The following STAU1 variants were observed in gnomAD, a reference collection of about 807,000 sequenced individuals.
STAU1 encodes the protein staufen double-stranded RNA binding protein 1.
In STAU1, 13 loss-of-function variants were observed where a neutral mutation model predicts 62.9. The observed-to-expected ratio is 0.21, with a 90% CI of 0.13 to 0.33. The LOEUF (loss-of-function observed/expected upper bound fraction) is 0.33. Ranked by LOEUF, STAU1 falls within the 10% of genes least tolerant of loss-of-function variation. The pLI is 1.00. For synonymous variants in STAU1, 269 were observed against 265.1 expected (o/e 1.01, Z -0.14); for missense variants, 571 against 712.1 (o/e 0.80, Z 2.25).
chr20:49,191,845 G>T (rs773415932), upstream of STAU1, among the ~76,000 whole-genome samples: 1 of 151,992 alleles, frequency 6.6e-6, no homozygotes, highest in Non-Finnish European at 1.5e-5. Flanking sequence ...GAGGTCAGGA[G>T]TTCGAGACCA....
intron 5 of STAU1, among the ~76,000 whole-genome samples, chr20:49,142,855 T>C (rs1339836515): frequency 6.6e-6 from 1 of 152,206 alleles, no homozygotes; most frequent in African/African-American, 2.4e-5. Flanking sequence ...TCAGCTGCAG[T>C]GCAATGGCAT....
At chr20:49,150,641 G>A (rs1440164687) in intron 5 of STAU1, among the ~76,000 whole-genome samples, 1 of 152,078 alleles carries the variant, frequency 6.6e-6, no homozygotes, top group Non-Finnish European at 1.5e-5. Flanking sequence ...GATTACAGGC[G>A]TGAGCCACTG....
chr20:49,139,447 G>A (rs1205736469), intron 5 of STAU1, among the ~76,000 whole-genome samples: 2 of 152,192 alleles, frequency 1.3e-5, no homozygotes, highest in Non-Finnish European at 2.9e-5. Context: ...ATAGTCGGCT[G>A]GGCACAGTGG....
At chr20:49,129,262 G>A (rs1442741539) in intron 6 of STAU1, among the ~76,000 whole-genome samples, 1 of 142,292 alleles carries the variant, frequency 7.0e-6, no homozygotes, top group Non-Finnish European at 1.5e-5. Context: ...CTACCTGCTA[G>A]AATGACTTTA....
intron 5 of STAU1, among the ~76,000 whole-genome samples, chr20:49,142,308 G>C (rs1272560049): frequency 6.6e-6 from 1 of 151,868 alleles, no homozygotes; most frequent in African/African-American, 2.4e-5. Flanking sequence ...GGCTGATCTC[G>C]AACTCCTGAC....
At chr20:49,133,352 CAT>C (rs1027269336) in intron 6 of STAU1, among the ~76,000 whole-genome samples, 4 of 152,206 alleles carry the variant, frequency 2.6e-5, no homozygotes, top group African/African-American at 7.2e-5. Context: ...CAACTCTGCA[CAT>C]GAGGTGACCC....
chr20:49,207,087 G>A, the STAU1 span, among the ~76,000 whole-genome samples: 9 of 152,036 alleles, frequency 5.9e-5, no homozygotes, highest in African/African-American at 1.2e-4. Context: ...AGCTAGGCAC[G>A]GTGGTGCATG....
At chr20:49,133,255 T>C (rs1488068744) in intron 6 of STAU1, among the ~76,000 whole-genome samples, 2 of 152,174 alleles carry the variant, frequency 1.3e-5, no homozygotes, top group African/African-American at 2.4e-5. Flanking sequence ...AATCTCTAAG[T>C]TTCCAGAAAT....
intron 1 of STAU1, among the ~76,000 whole-genome samples, chr20:49,187,806 G>A (rs1362512956): frequency 1.2e-5 from 1 of 85,872 alleles, no homozygotes; most frequent in East Asian, 4.2e-4. Context: ...CCCCAGCCCC[G>A]GGAATAACTT....
intron 4 of STAU1, among the ~76,000 whole-genome samples, chr20:49,153,625 C>T (rs2093299506): frequency 1.4e-5 from 2 of 144,674 alleles, no homozygotes; most frequent in Admixed American, 1.4e-4. Flanking sequence ...ACAGCCTCCT[C>T]ACTTGAACCC....
rs1011466494 is a variant in STAU1, at chr20:49,173,457, GAAAGA to G, written c.-85+733_-85+737del. Reference sequence around the variant, plus strand: ...CAAGAGCGAAACTCCGTTTCAGAAAGAAAGAAAAGAAAAGCATTATACAAATCCAG... The same window carrying G: ...CAAGAGCGAAACTCCGTTTCAGAAAGAAAGAAAAGCATTATACAAATCCAG... On this transcript the variant is annotated intron_variant, in intron 2 of 13. Coordinates refer to ENST00000371856, the MANE Select transcript of STAU1 (RefSeq NM_017453.4). 1.1e-4 allele frequency among the ~76,000 whole-genome samples: 16 copies of G among 152,260 alleles called. No individual in the cohort carries two copies. The South Asian group carries it at 2.1e-3, about 20-fold the overall frequency.
At chr20:49,136,975 T>G (rs1036117998) in intron 5 of STAU1, among the ~76,000 whole-genome samples, 3 of 152,156 alleles carry the variant, frequency 2.0e-5, no homozygotes, top group African/African-American at 7.2e-5. Context: ...GATTAAGGCG[T>G]GAGCCACCAC....
At chr20:49,202,060 A>G in the STAU1 span, among the ~76,000 whole-genome samples, 1 of 151,306 alleles carries the variant, frequency 6.6e-6, no homozygotes, top group East Asian at 1.9e-4. Context: ...CTCTACTAAA[A>G]ATACAAAAAA....
At chr20:49,175,312 C>A (rs572728625) in intron 1 of STAU1, among the ~76,000 whole-genome samples, 1 of 151,108 alleles carries the variant, frequency 6.6e-6, no homozygotes, top group East Asian at 1.9e-4. Flanking sequence ...GCCTGGGCCA[C>A]AGAGTGAGAC....
the STAU1 span, among the ~76,000 whole-genome samples, chr20:49,201,735 C>A: frequency 5.4e-5 from 6 of 110,864 alleles, no homozygotes; most frequent in Admixed American, 7.0e-4. Flanking sequence ...GGGCAAGACT[C>A]TGTCTCAAAA....
Position 49,183,719 on chromosome 20 carries a change from T to A in STAU1, c.-160+4397A>T, listed in dbSNP as rs77115162. Reference sequence around the variant, plus strand: ...GGATGGAGGAGAGTTCCATGAGTCATGGCCATTTCTAAACTTAAAATACAG... The same window carrying A: ...GGATGGAGGAGAGTTCCATGAGTCAAGGCCATTTCTAAACTTAAAATACAG... On this transcript the variant is annotated intron_variant, in intron 1 of 13. Coordinates refer to ENST00000371856, the MANE Select transcript of STAU1 (RefSeq NM_017453.4). Among the ~76,000 whole-genome samples the A allele has an allele frequency of 4.2e-3, 642 of 152,222 alleles. 6 individuals are homozygous for A. The highest frequency in any genetic ancestry group is 0.015 in the African/African-American group (603 of 41,534).
At chr20:49,158,994 G>A (rs1236704975) in intron 3 of STAU1, 3 of 1,299,270 alleles carry the variant, frequency 2.3e-6, no homozygotes, top group Non-Finnish European at 3.0e-6. Context: ...TATATGTTCT[G>A]CAGTCCATCA....
chr20:49,164,547 C>T (rs1168925877), intron 3 of STAU1, among the ~76,000 whole-genome samples: 1 of 151,962 alleles, frequency 6.6e-6, no homozygotes, highest in South Asian at 2.1e-4. Flanking sequence ...CACTCGGCCT[C>T]CCAAAGTACT....
chr20:49,129,484 C>T (rs1002288202), intron 6 of STAU1, among the ~76,000 whole-genome samples: 1 of 151,190 alleles, frequency 6.6e-6, no homozygotes, highest in African/African-American at 2.4e-5. Flanking sequence ...GAAGGGGTTA[C>T]GCTATGTTGG....
Sources: gnomAD v4.1 joint callset for allele counts (sites outside exome capture counted in the v4.1 genomes callset) on GRCh38, gnomAD v4.1.1 for gene constraint, MANE v1.5 for transcripts, NCBI Gene and HGNC (gene_info 2026-07-23, HGNC 2026-07-21) for gene names.